Variants in UNC5D observed in about 807,000 individuals in gnomAD.
UNC5D encodes netrin receptor UNC5D.
A neutral mutation model predicts 105.4 loss-of-function variants in UNC5D; 39 were observed. The observed-to-expected ratio is 0.37, with a 90% CI of 0.29 to 0.48. The LOEUF (loss-of-function observed/expected upper bound fraction) is 0.48, where lower values mean the gene tolerates loss of function less well. Ranked by LOEUF, UNC5D falls within the 20% of genes least tolerant of loss-of-function variation. UNC5D has a pLI of 0.98. For synonymous variants in UNC5D, 452 were observed against 450.4 expected (o/e 1.00, Z -0.04); for missense variants, 991 against 1,202.4 (o/e 0.82, Z 2.60).
intron 4 of UNC5D, among the ~76,000 whole-genome samples, chr8:35,681,454 T>TA (rs1468549497): frequency 2.6e-4 from 40 of 152,350 alleles, no homozygotes; most frequent in African/African-American, 9.4e-4. Context: ...AACAGATGTT[T>TA]AGGTATTTGT....
intron 1 of UNC5D, among the ~76,000 whole-genome samples, chr8:35,420,289 C>A (rs1354384849): frequency 1.3e-5 from 2 of 151,986 alleles, no homozygotes; most frequent in Non-Finnish European, 2.9e-5. Context: ...CATTCATAAA[C>A]CTGGAGTATA....
chr8:35,707,252 T>A (rs1563689618), intron 8 of UNC5D, among the ~76,000 whole-genome samples: 1 of 152,214 alleles, frequency 6.6e-6, no homozygotes, highest in Non-Finnish European at 1.5e-5. Context: ...TATTTCCTTA[T>A]GTTGCTTCAG....
intron 3 of UNC5D, among the ~76,000 whole-genome samples, chr8:35,577,707 A>T (rs1818185549): frequency 6.6e-6 from 1 of 152,242 alleles, no homozygotes; most frequent in Admixed American, 6.5e-5. Context: ...AGTTTCAGGA[A>T]AACTGGATAT....
intron 1 of UNC5D, among the ~76,000 whole-genome samples, chr8:35,332,936 G>A (rs888992751): frequency 9.2e-5 from 14 of 152,212 alleles, no homozygotes; most frequent in African/African-American, 3.4e-4. Context: ...TGAGTGGGGT[G>A]AACATACAGT....
chr8:35,516,872 AAC>A (rs1462277654), intron 1 of UNC5D, among the ~76,000 whole-genome samples: 5 of 152,172 alleles, frequency 3.3e-5, no homozygotes, highest in African/African-American at 1.2e-4. Context: ...TTTACTTGAA[AAC>A]ACAGAGCCTT....
At chr8:35,734,290 T>G (rs6998018) in intron 11 of UNC5D, among the ~76,000 whole-genome samples, 13,507 of 135,910 alleles carry the variant, frequency 0.099, 1,855 homozygotes, top group African/African-American at 0.33. Context: ...CCCTCCACAG[T>G]GCTTTACTCC....
chr8:35,322,171 G>A (rs942122419), intron 1 of UNC5D, among the ~76,000 whole-genome samples: 3 of 152,050 alleles, frequency 2.0e-5, no homozygotes, highest in Non-Finnish European at 4.4e-5. Context: ...AGTGTTAAGA[G>A]GTAGTCTTAT....
intron 1 of UNC5D, among the ~76,000 whole-genome samples, chr8:35,458,515 A>G (rs1450601342): frequency 1.3e-5 from 2 of 152,150 alleles, no homozygotes; most frequent in East Asian, 3.9e-4. Flanking sequence ...TAGCATCTAA[A>G]GGAAAGCAAG....
At chr8:35,528,168 G>T (rs1814034320) in intron 1 of UNC5D, among the ~76,000 whole-genome samples, 1 of 149,982 alleles carries the variant, frequency 6.7e-6, no homozygotes, top group Non-Finnish European at 1.5e-5. Context: ...CTAGCATTAG[G>T]TATATCTCCC....
intron 1 of UNC5D, among the ~76,000 whole-genome samples, chr8:35,308,584 C>A (rs528934458): frequency 1.3e-5 from 2 of 152,230 alleles, no homozygotes; most frequent in African/African-American, 4.8e-5. Context: ...TAGAATTTCA[C>A]AGGTCTGCCA....
Position 35,279,218 on chromosome 8 carries a change from C to T in UNC5D, c.103+43331C>T, listed in dbSNP as rs185690301. ...TACTCAGTTCTTATGTAAATAGTGT[C>T]TGATGCTTACAGAGTTGAGTTAAGG... is the stretch of plus-strand genomic sequence containing the variant. On this transcript the variant is annotated intron_variant, in intron 1 of 16. Transcript: ENST00000404895. 3.4e-3 allele frequency among the ~76,000 whole-genome samples: 524 copies of T among 152,288 alleles called. 6 individuals are homozygous for T. The highest frequency in any genetic ancestry group is 0.012 in the African/African-American group (509 of 41,570).
At chr8:35,718,909 T>C (rs1828411537) in intron 8 of UNC5D, among the ~76,000 whole-genome samples, 1 of 152,026 alleles carries the variant, frequency 6.6e-6, no homozygotes, top group South Asian at 2.1e-4. Flanking sequence ...TCAATTACAA[T>C]TGCACTTGGG....
At chr8:35,480,472 G>A (rs1437103742) in intron 1 of UNC5D, among the ~76,000 whole-genome samples, 1 of 152,146 alleles carries the variant, frequency 6.6e-6, no homozygotes, top group African/African-American at 2.4e-5. Context: ...CCTTGGTGGA[G>A]CTCCTGAGGA....
chr8:35,251,378 C>T (rs1195075910), intron 1 of UNC5D, among the ~76,000 whole-genome samples: 2 of 152,208 alleles, frequency 1.3e-5, no homozygotes, highest in East Asian at 1.9e-4. Context: ...GTGAGAACCA[C>T]CCCCATGATT....
Position 35,307,022 on chromosome 8 carries a change from A to T in UNC5D, c.103+71135A>T, listed in dbSNP as rs530666578. Among the ~76,000 whole-genome samples the T allele has an allele frequency of 2.0e-5, 3 of 152,306 alleles. No homozygotes were observed. In the East Asian group the frequency reaches 5.8e-4, roughly 29 times the overall value. On this transcript the variant is annotated intron_variant, in intron 1 of 16. Transcript: ENST00000404895. ...TTACAATGATGGTCTATCCCACAGTATCCAATCTTTTGGCTTCCCTGGGCT... is the reference window on the plus strand; with the variant it reads ...TTACAATGATGGTCTATCCCACAGTTTCCAATCTTTTGGCTTCCCTGGGCT...
chr8:35,247,234 T>TA (rs5890800), intron 1 of UNC5D, among the ~76,000 whole-genome samples: 133,706 of 151,202 alleles, frequency 0.88, 59,248 homozygotes, highest in East Asian at 1. Context: ...TCCTTTTATT[T>TA]AAATGTTTAT....
chr8:35,243,711 A>G (rs1802929068), intron 1 of UNC5D, among the ~76,000 whole-genome samples: 1 of 152,164 alleles, frequency 6.6e-6, no homozygotes, highest in South Asian at 2.1e-4. Context: ...ATGTTTCCCA[A>G]GCGGTTGGAT....
chr8:35,538,209 C>T (rs973841964), intron 1 of UNC5D, among the ~76,000 whole-genome samples: 2 of 150,964 alleles, frequency 1.3e-5, no homozygotes, highest in South Asian at 2.1e-4. Flanking sequence ...GGGGGACATT[C>T]GTATCATGGG....
At chr8:35,300,656 A>T (rs1202450747) in intron 1 of UNC5D, among the ~76,000 whole-genome samples, 1 of 152,100 alleles carries the variant, frequency 6.6e-6, no homozygotes, top group African/African-American at 2.4e-5. Context: ...TTCTGACTAG[A>T]TATTATGAAA....
Sources: allele counts gnomAD v4.1 joint callset (sites outside exome capture counted in the v4.1 genomes callset), GRCh38; gene constraint gnomAD v4.1.1; transcripts MANE v1.5; gene names NCBI Gene and HGNC (gene_info 2026-07-23, HGNC 2026-07-21).